The following APAF1 variants were observed in gnomAD, a reference collection of about 807,000 sequenced individuals.
The protein encoded by APAF1 is apoptotic protease-activating factor 1.
A neutral mutation model predicts 152.4 loss-of-function variants in APAF1; 91 were observed. That is an observed-to-expected ratio of 0.60 (90% CI 0.50 to 0.71). The LOEUF (loss-of-function observed/expected upper bound fraction) is 0.71. Among genes scored for constraint, APAF1 ranks in the 30% least tolerant of loss-of-function variants. The pLI, the probability that APAF1 is intolerant of heterozygous loss-of-function variation, is 0.00. For synonymous variants in APAF1, 484 were observed against 494.1 expected, an observed-to-expected ratio of 0.98 and a Z score of 0.27; for missense variants, 1,283 against 1,472.0, an observed-to-expected ratio of 0.87 and a Z score of 2.10.
intron 3 of APAF1, 32 bp from the exon 4 acceptor site, chr12:98,649,455 T>C (rs1339044932): frequency 1.2e-6 from 2 of 1,604,930 alleles, no homozygotes; most frequent in South Asian, 1.1e-5. Context: ...CAAAGTTCTA[T>C]TCATTCATGC....
intron 9 of APAF1, 85 bp from the exon 10 acceptor site, chr12:98,667,428 C>A: frequency 1.9e-6 from 3 of 1,545,134 alleles, no homozygotes; most frequent in South Asian, 2.2e-5. Flanking sequence ...TCTGTACATT[C>A]TTAATAGCTT....
intron 4 of APAF1, among the ~76,000 whole-genome samples, chr12:98,654,816 C>CTTTTTTTTTTTTTTTTTT (rs758991431): frequency 3.4e-5 from 4 of 116,788 alleles, no homozygotes; most frequent in Non-Finnish European, 6.9e-5. Context: ...GTAGTATTTT[C>CTTTTTTTTTTTTTTTTTT]TTTTTTTTTT....
At chr12:98,715,289 A>G (rs1483762796) in intron 21 of APAF1, 138 bp from the exon 22 acceptor site, 4 of 315,902 alleles carry the variant, frequency 1.3e-5, no homozygotes. Context: ...TATGACATTC[A>G]TTTGTTTTTA....
chr12:98,696,802 A>T (rs2097710454), intron 16 of APAF1, among the ~76,000 whole-genome samples: 1 of 152,138 alleles, frequency 6.6e-6, no homozygotes, highest in South Asian at 2.1e-4. Flanking sequence ...TGCCGGGAGT[A>T]ATCAGTCTTT....
rs143198215 is a variant in APAF1, at chr12:98,658,134, A to G, written c.527-1026A>G. Among the ~76,000 whole-genome samples the G allele has an allele frequency of 7.0e-4, 107 of 152,234 alleles. 1 individual carries two copies. The highest frequency in any genetic ancestry group is 2.4e-3 in the African/African-American group (100 of 41,542). ...CTTTATGATTGATGCTACTGGAATG[A>G]TCTAATGCTACTGTTTACCATATTT... On this transcript the variant is annotated intron_variant, in intron 4 of 26. Transcript: ENST00000551964.
chr12:98,679,702 CACCACCGTGTTCCCCGGT>C (rs2097690350), intron 13 of APAF1, among the ~76,000 whole-genome samples: 1 of 152,246 alleles, frequency 6.6e-6, no homozygotes, highest in African/African-American at 2.4e-5. Context: ...AGCTTCTGGG[CACCACCGTGTTCCCCGGT>C]GCCAGCGTGT....
chr12:98,693,065 TAAAA>T (rs112776504), intron 16 of APAF1, among the ~76,000 whole-genome samples: 1 of 144,376 alleles, frequency 6.9e-6, no homozygotes, highest in Non-Finnish European at 1.5e-5. Flanking sequence ...ATTTTTTGAC[TAAAA>T]AAAAAAAACA....
At position 98,695,670 on chromosome 12, in the gene APAF1, G is replaced by A. The variant is rs1016855307; in HGVS notation, c.2305-3738G>A. The stretch of plus-strand genomic sequence containing the variant: ...AGGTGACCCTTCTCTCAACTGTGTT[G>A]GGTATAGAATAGCCTTGTATTCTGC... On this transcript the variant is annotated intron_variant, in intron 16 of 26. Coordinates refer to ENST00000551964, the MANE Select transcript of APAF1 (RefSeq NM_181861.2). Among the ~76,000 whole-genome samples, 9 of 152,324 alleles carry A rather than the reference G, an allele frequency of 5.9e-5. No individual in the cohort carries two copies. The South Asian group carries it at 1.9e-3, about 32-fold the overall frequency.
chr12:98,657,545 A>G (rs1202965539), intron 4 of APAF1, among the ~76,000 whole-genome samples: 1 of 152,326 alleles, frequency 6.6e-6, no homozygotes, highest in Admixed American at 6.5e-5. Context: ...TTTCATAATT[A>G]ATATGTCAAG....
chr12:98,731,594 A>G (rs2097761649), intron 26 of APAF1, among the ~76,000 whole-genome samples: 1 of 152,198 alleles, frequency 6.6e-6, no homozygotes. Flanking sequence ...TACTTGACCC[A>G]CTCACATGGG....
chr12:98,655,083 C>T (rs1416620503), intron 4 of APAF1, among the ~76,000 whole-genome samples: 2 of 110,386 alleles, frequency 1.8e-5, no homozygotes, highest in African/African-American at 3.5e-5. Context: ...CATCTTGCAC[C>T]GCCCTTAATC....
At chr12:98,694,688 C>G (rs528870039) in intron 16 of APAF1, among the ~76,000 whole-genome samples, 33 of 151,778 alleles carry the variant, frequency 2.2e-4, no homozygotes, top group Non-Finnish European at 3.1e-4. Context: ...TTTTCATATT[C>G]CAGTGTAATA....
Position 98,677,405 on chromosome 12 carries a change from C to A in APAF1, c.1794-20C>A. The A allele has an allele frequency of 6.2e-7, 1 of 1,612,532 alleles. No individual in the cohort carries two copies. Among genetic ancestry groups the A allele is most frequent in the South Asian group, 1.1e-5 (1 of 91,012 alleles). The stretch of plus-strand genomic sequence containing the variant: ...TACTCTCATTTATTTAATTTCTGTT[C>A]ATTTTTTCCCTGTATTTAGAAACAA... On this transcript the variant is annotated intron_variant, in intron 12 of 26. Coordinates refer to ENST00000551964, the MANE Select transcript of APAF1 (RefSeq NM_181861.2).
chr12:98,702,359 C>G (rs1434747720), intron 17 of APAF1, among the ~76,000 whole-genome samples: 1 of 152,136 alleles, frequency 6.6e-6, no homozygotes, highest in Non-Finnish European at 1.5e-5. Flanking sequence ...GCCACCGTGC[C>G]TGGGCTACTA....
intron 7 of APAF1, among the ~76,000 whole-genome samples, 153 bp downstream of exon 7, chr12:98,662,959 G>T (rs2097667446): frequency 6.6e-6 from 1 of 152,080 alleles, no homozygotes. Context: ...ATCTTAAATG[G>T]ATACATGATA....
chr12:98,659,256 A>G lies in APAF1; in HGVS notation c.623A>G (p.Gln208Arg), dbSNP rs759455114. The stretch of plus-strand genomic sequence containing the variant: ...CAGAATCTTTGCACACGGTTGGATC[A>G]GGATGAGAGTTTTTCCCAGAGGCTT... Reference protein sequence around the residue: ...KLQNLCTRLDQDESFSQRLPL... With the variant: ...KLQNLCTRLDRDESFSQRLPL... The change falls in exon 5 of 27, where the codon CAG becomes CGG. Residue 208 changes from glutamine (Q) to arginine (R), a missense_variant. Gln to Arg is a conservative substitution (Grantham distance 43, BLOSUM62 1). Transcript: ENST00000551964. 63 of 1,614,126 alleles carry G rather than the reference A, an allele frequency of 3.9e-5. No homozygotes were observed. The highest frequency in any genetic ancestry group is 5.3e-5 in the Non-Finnish European group (63 of 1,180,048).
chr12:98,653,820 A>G lies in APAF1; in HGVS notation c.526+4136A>G, dbSNP rs889475946. 2.0e-5 allele frequency among the ~76,000 whole-genome samples: 3 copies of G among 148,956 alleles called. No individual in the cohort carries two copies. The East Asian group carries it at 5.9e-4, about 29-fold the overall frequency. ...TTTTCTTATTTGTAGGGAAATAGTA[A>G]AGAATTGACGTATCTTTAAATACAG... On this transcript the variant is annotated intron_variant, in intron 4 of 26. Transcript: ENST00000551964.
intron 5 of APAF1, among the ~76,000 whole-genome samples, chr12:98,661,882 T>C (rs985618674): frequency 3.3e-5 from 5 of 152,268 alleles, no homozygotes; most frequent in African/African-American, 9.6e-5. Context: ...GAAAAGTTTT[T>C]GGAGAGAACA....
intron 18 of APAF1, among the ~76,000 whole-genome samples, chr12:98,705,320 G>A (rs2097720245): frequency 6.6e-6 from 1 of 152,216 alleles, no homozygotes; most frequent in African/African-American, 2.4e-5. Flanking sequence ...GAGATGGGGA[G>A]AAGAAAGTGG....
Sources: gnomAD v4.1 joint callset for allele counts (sites outside exome capture counted in the v4.1 genomes callset) on GRCh38, gnomAD v4.1.1 for gene constraint, MANE v1.5 for transcripts, NCBI Gene and HGNC (gene_info 2026-07-23, HGNC 2026-07-21) for gene names.